ANKRD30BL: variants seen among roughly 807,000 people sequenced by gnomAD.
ANKRD30BL encodes putative ankyrin repeat domain-containing protein 30B-like.
Under a neutral mutation model 18.4 loss-of-function variants are expected in ANKRD30BL, and 20 were observed. That is an observed-to-expected ratio of 1.09 (90% CI 0.77 to 1.58). The LOEUF is 1.58. ANKRD30BL is among the 40% of genes most tolerant of loss of function. The pLI, the probability that ANKRD30BL is intolerant of heterozygous loss-of-function variation, is 0.00. For synonymous variants in ANKRD30BL, 72 were observed against 100.9 expected (o/e 0.71, Z 1.72); for missense variants, 224 against 268.6 (o/e 0.83, Z 1.16).
Position 132,161,649 on chromosome 2 carries a change from G to A in ANKRD30BL, c.57C>T (p.Ser19=), listed in dbSNP as rs539848322. Reference sequence around the variant, plus strand: ...TGGTGTAGACCAGCTGACTGAAGGGGCTCGGGCGCTCTGGGCCCGTCTGGC... The same window carrying A: ...TGGTGTAGACCAGCTGACTGAAGGGACTCGGGCGCTCTGGGCCCGTCTGGC... ...VKGQTGPERP[S]PFSQLVYTNN... is the part of the protein sequence containing the mutation. Residue 19 remains serine (S), a synonymous_variant, in exon 1 of 6, where the codon AGC becomes AGT. Coordinates refer to ENST00000409867, the MANE Select transcript of ANKRD30BL (RefSeq NM_001358416.1). 1.2e-5 allele frequency: 17 copies of A among 1,452,540 alleles called. No individual in the cohort carries two copies. Among genetic ancestry groups the A allele is most frequent in the Non-Finnish European group, 1.5e-5 (16 of 1,059,680 alleles). 90.0% of individuals were successfully genotyped at this position (1,452,540 alleles called of 1,614,324 possible). A position where few individuals can be genotyped will look rare whatever the true frequency, so the allele number is the denominator to read the frequency against.
At chr2:132,191,623 A>G (rs1678851355) in intron 1 of ANKRD30BL, among the ~76,000 whole-genome samples, 1 of 152,050 alleles carries the variant, frequency 6.6e-6, no homozygotes, top group South Asian at 2.1e-4. Context: ...CAGGTGGTTA[A>G]TGATGCATTT....
intron 1 of ANKRD30BL, among the ~76,000 whole-genome samples, chr2:132,216,600 A>G (rs1194623367): frequency 6.6e-6 from 1 of 151,748 alleles, no homozygotes; most frequent in Non-Finnish European, 1.5e-5. Context: ...AGAGTTGAAC[A>G]TTTCTTTTGA....
At chr2:132,250,773 T>G (rs543552358) in intron 1 of ANKRD30BL, among the ~76,000 whole-genome samples, 1 of 152,340 alleles carries the variant, frequency 6.6e-6, no homozygotes, top group African/African-American at 2.4e-5. Flanking sequence ...TTATTTTTTC[T>G]TTTTAAATTT....
chr2:132,206,750 C>T (rs959816361), intron 1 of ANKRD30BL, among the ~76,000 whole-genome samples: 5 of 152,192 alleles, frequency 3.3e-5, no homozygotes, highest in African/African-American at 1.2e-4. Context: ...CATTAGGTGG[C>T]TTAAAATGAG....
chr2:132,148,578 C>G (rs1029971479), intron 5 of ANKRD30BL, among the ~76,000 whole-genome samples: 58 of 151,836 alleles, frequency 3.8e-4, no homozygotes, highest in African/African-American at 1.1e-3. Flanking sequence ...CCATGTTAGT[C>G]AGGGTGGTCC....
At chr2:132,165,270 T>C (rs867221852), upstream of ANKRD30BL, among the ~76,000 whole-genome samples, 381 of 141,820 alleles carry the variant, frequency 2.7e-3, 2 homozygotes, top group Middle Eastern at 0.011. Flanking sequence ...TTTTTTTTTT[T>C]CCATTCATCA....
At chr2:132,221,552 T>G (rs1303718399) in intron 1 of ANKRD30BL, among the ~76,000 whole-genome samples, 2 of 110,016 alleles carry the variant, frequency 1.8e-5, no homozygotes, top group African/African-American at 4.0e-5. Context: ...GGTGGGGGGG[T>G]CAGCCCCCCG....
intron 1 of ANKRD30BL, among the ~76,000 whole-genome samples, chr2:132,202,742 A>G (rs1317525640): frequency 6.6e-6 from 1 of 151,968 alleles, no homozygotes; most frequent in Non-Finnish European, 1.5e-5. Flanking sequence ...CACACACCAT[A>G]TATATACCTG....
chr2:132,173,037 T>C (rs1688308603), intron 1 of ANKRD30BL, among the ~76,000 whole-genome samples: 1 of 87,362 alleles, frequency 1.1e-5, no homozygotes, highest in Admixed American at 1.4e-4. Context: ...GAACTTTTAC[T>C]TTTGATGAAA....
upstream of ANKRD30BL, among the ~76,000 whole-genome samples, chr2:132,163,430 C>T (rs1431782671): frequency 6.6e-6 from 1 of 151,988 alleles, no homozygotes; most frequent in Non-Finnish European, 1.5e-5. Flanking sequence ...AATGAGAGGT[C>T]CTGTTGCTCC....
At chr2:132,190,939 G>A (rs1012263245) in intron 1 of ANKRD30BL, among the ~76,000 whole-genome samples, 3 of 152,068 alleles carry the variant, frequency 2.0e-5, no homozygotes, top group Non-Finnish European at 2.9e-5. Flanking sequence ...GCAAATTAAT[G>A]TTTTAGAATC....
At chr2:132,217,442 A>G (rs4619660) in intron 1 of ANKRD30BL, among the ~76,000 whole-genome samples, 10,717 of 151,924 alleles carry the variant, frequency 0.071, 1,219 homozygotes, top group African/African-American at 0.24. Flanking sequence ...TCCTCACATA[A>G]AATATAGACA....
chr2:132,250,909 T>C (rs1346470368), intron 1 of ANKRD30BL, among the ~76,000 whole-genome samples: 1 of 152,176 alleles, frequency 6.6e-6, no homozygotes, highest in Non-Finnish European at 1.5e-5. Flanking sequence ...ACTTTTCATT[T>C]TTGGGGGTCC....
At chr2:132,237,629 C>G (rs77908264) in intron 1 of ANKRD30BL, among the ~76,000 whole-genome samples, 5 of 151,748 alleles carry the variant, frequency 3.3e-5, no homozygotes, top group African/African-American at 1.2e-4. Flanking sequence ...CACATAAAAA[C>G]TAGACAGGAG....
chr2:132,177,926 T>G (rs550410801), intron 1 of ANKRD30BL, among the ~76,000 whole-genome samples: 9 of 152,238 alleles, frequency 5.9e-5, no homozygotes, highest in Non-Finnish European at 2.9e-5. Context: ...TTTTTTACAG[T>G]TGGTATGCCA....
At chr2:132,242,651 T>C (rs200576691) in intron 1 of ANKRD30BL, among the ~76,000 whole-genome samples, 9 of 151,840 alleles carry the variant, frequency 5.9e-5, no homozygotes, top group African/African-American at 2.2e-4. Context: ...ACACTCTTTT[T>C]GTAGAATCTG....
intron 1 of ANKRD30BL, among the ~76,000 whole-genome samples, chr2:132,201,698 T>C (rs1679102068): frequency 6.6e-6 from 1 of 152,220 alleles, no homozygotes; most frequent in Non-Finnish European, 1.5e-5. Context: ...TTGGTGGGAC[T>C]GTAAACTAGT....
chr2:132,152,896 G>C (rs1020006414), intron 4 of ANKRD30BL, among the ~76,000 whole-genome samples: 4 of 152,210 alleles, frequency 2.6e-5, no homozygotes, highest in African/African-American at 9.6e-5. Context: ...CACTATGTGT[G>C]TGGCTAAAGC....
chr2:132,216,700 A>C (rs1679506312), intron 1 of ANKRD30BL, among the ~76,000 whole-genome samples: 1 of 151,708 alleles, frequency 6.6e-6, no homozygotes, highest in Non-Finnish European at 1.5e-5. Context: ...AAATATCTTC[A>C]CATAAAACCT....
Sources: gnomAD v4.1 joint callset for allele counts (sites outside exome capture counted in the v4.1 genomes callset) on GRCh38, gnomAD v4.1.1 for gene constraint, MANE v1.5 for transcripts, NCBI Gene and HGNC (gene_info 2026-07-23, HGNC 2026-07-21) for gene names.